JADE3: variants seen among roughly 807,000 people sequenced by gnomAD.
JADE3 encodes the protein jade family PHD finger 3.
JADE3 carries 2 observed loss-of-function variants against 50.1 expected under a neutral mutation model. That is an observed-to-expected ratio of 0.04 (90% CI 0.02 to 0.13). The LOEUF (loss-of-function observed/expected upper bound fraction) is 0.13, where lower values mean the gene tolerates loss of function less well. JADE3 is among the 10% of genes least tolerant of loss of function. The probability of loss-of-function intolerance (pLI) is 1.00; values close to 1 mark genes in which losing one functional copy is unlikely to be tolerated. For synonymous variants in JADE3, 218 were observed against 232.9 expected (o/e 0.94, Z 0.58); for missense variants, 475 against 634.4 (o/e 0.75, Z 2.70).
intron 1 of JADE3, among the ~76,000 whole-genome samples, chrX:46,981,143 T>C (rs1556352943): frequency 8.9e-6 from 1 of 112,130 alleles, no homozygotes; most frequent in African/African-American, 3.2e-5. Context: ...TTTAGCTCTG[T>C]GAGACCTGTG....
intron 1 of JADE3, among the ~76,000 whole-genome samples, chrX:46,969,719 C>G (rs782477066): frequency 9.0e-6 from 1 of 111,549 alleles, no homozygotes; most frequent in Non-Finnish European, 1.9e-5. Flanking sequence ...CACCCAGCTA[C>G]TCAGGAGGCT....
Position 47,059,022 on chromosome X carries a change from A to AT in JADE3, c.2419dup (p.Cys807LeufsTer4). On this transcript the variant is annotated frameshift_variant, in exon 11 of 11. Transcript: ENST00000614628. LOFTEE classifies it high-confidence loss of function. ...AATCCTCCCCATGACTCTAGACGGG[A>AT]TTGCCATGGTAAAAGCAAGACACAT... 8.3e-7 allele frequency: 1 copy of AT among 1,208,094 alleles called. No homozygotes were observed.
chrX:46,996,226 G>A (rs1275275838), intron 3 of JADE3, among the ~76,000 whole-genome samples: 1 of 111,689 alleles, frequency 9.0e-6, no homozygotes, highest in African/African-American at 3.3e-5. Context: ...TAGTAGAGAC[G>A]AGGTTTCACC....
At chrX:47,019,491 C>T (rs1556363838) in intron 4 of JADE3, among the ~76,000 whole-genome samples, 2 of 111,735 alleles carry the variant, frequency 1.8e-5, no homozygotes, top group Non-Finnish European at 3.8e-5. Context: ...CTCAAGTGAT[C>T]TTCCTGCCTC....
At chrX:47,032,196 C>T (rs1425626412) in intron 6 of JADE3, among the ~76,000 whole-genome samples, 1 of 111,678 alleles carries the variant, frequency 9.0e-6, no homozygotes, top group Non-Finnish European at 1.9e-5. Context: ...GGCATGAGAT[C>T]AGATAGTGAA....
intron 4 of JADE3, among the ~76,000 whole-genome samples, chrX:46,999,938 C>T (rs1490964262): frequency 1.8e-5 from 2 of 111,306 alleles, no homozygotes; most frequent in African/African-American, 6.5e-5. Context: ...TGAGAAATTG[C>T]AGATCTTATT....
chrX:46,985,852 A>C lies in JADE3; in HGVS notation c.126+60A>C, dbSNP rs1324132839. 3.8e-6 allele frequency: 3 copies of C among 781,552 alleles called. No homozygotes were observed. In the African/African-American group the frequency reaches 6.1e-5, roughly 16 times the overall value. 64.4% of individuals were successfully genotyped at this position (781,552 alleles called of 1,213,427 possible). A position where few individuals can be genotyped will look rare whatever the true frequency, so the allele number is the denominator to read the frequency against. ...ATAGTTTGGATGCTTGTCTTCCAAA[A>C]CCTCATGTTGAAATTATATCCCAAT... On this transcript the variant is annotated intron_variant, in intron 3 of 10. Coordinates refer to ENST00000614628, the MANE Select transcript of JADE3 (RefSeq NM_014735.5).
chrX:47,033,102 C>T (rs1238491174), intron 6 of JADE3, among the ~76,000 whole-genome samples: 2 of 112,012 alleles, frequency 1.8e-5, no homozygotes, highest in Non-Finnish European at 3.8e-5. Context: ...TTCTTCAACC[C>T]AAGCAAGCAA....
At chrX:46,936,858 T>A (rs1228460712) in intron 1 of JADE3, among the ~76,000 whole-genome samples, 1 of 111,606 alleles carries the variant, frequency 9.0e-6, no homozygotes, top group Admixed American at 9.6e-5. Flanking sequence ...GCTTTTCAAT[T>A]GTGCTAGAGG....
At chrX:46,952,819 G>GGC (rs1894092264) in intron 1 of JADE3, among the ~76,000 whole-genome samples, 1 of 111,612 alleles carries the variant, frequency 9.0e-6, no homozygotes, top group Non-Finnish European at 1.9e-5. Context: ...CCAACATGGT[G>GGC]AAACCCCATC....
At chrX:46,919,443 A>G (rs1260467741) in intron 1 of JADE3, among the ~76,000 whole-genome samples, 1 of 112,207 alleles carries the variant, frequency 8.9e-6, no homozygotes, top group Admixed American at 9.5e-5. Flanking sequence ...TCCGTATTTG[A>G]GCATTGGTAA....
At chrX:46,961,080 G>A (rs1927248198) in intron 1 of JADE3, among the ~76,000 whole-genome samples, 1 of 111,872 alleles carries the variant, frequency 8.9e-6, no homozygotes, top group South Asian at 3.7e-4. Context: ...AAATTTGTGA[G>A]GGGAGTTTGC....
chrX:46,989,181 C>T (rs1927927365), intron 3 of JADE3, among the ~76,000 whole-genome samples: 1 of 112,234 alleles, frequency 8.9e-6, no homozygotes, highest in African/African-American at 3.2e-5. Flanking sequence ...TGCCCTATTT[C>T]TGATAGCAGA....
Position 47,058,859 on chromosome X carries a change from C to A in JADE3, c.2254C>A (p.Leu752Ile). 1 of 1,210,291 alleles carries A rather than the reference C, an allele frequency of 8.3e-7. No homozygotes were observed. Among genetic ancestry groups the A allele is most frequent in the Non-Finnish European group, 1.1e-6 (1 of 894,423 alleles). The change falls in exon 11 of 11, where the codon CTC becomes ATC. Residue 752 changes from leucine (L) to isoleucine (I), a missense_variant. Physicochemically the swap from Leu to Ile is conservative, Grantham distance 5. Around this residue, in one of 6 missense-constraint regions of JADE3, gnomAD observed 243 missense variants for 238.2 expected, o/e 1.02. Coordinates refer to ENST00000614628, the MANE Select transcript of JADE3 (RefSeq NM_014735.5). ...PKEQFWGRQVLRRSAGRAPYQ... is the reference protein window; with the variant it reads ...PKEQFWGRQVIRRSAGRAPYQ... ...GGAGCAGTTCTGGGGTAGACAGGTT[C>A]TCAGGCGGTCTGCAGGGAGAGCTCC...
At chrX:46,924,904 T>C (rs1371448703) in intron 1 of JADE3, among the ~76,000 whole-genome samples, 1 of 112,005 alleles carries the variant, frequency 8.9e-6, no homozygotes, top group Non-Finnish European at 1.9e-5. Context: ...ATTTTTGTTA[T>C]CCACATCGCC....
chrX:46,957,260 T>TAG (rs1569535285), intron 1 of JADE3, among the ~76,000 whole-genome samples: 5 of 61,727 alleles, frequency 8.1e-5, no homozygotes, highest in African/African-American at 2.4e-4. Context: ...TAGATAGATA[T>TAG]AAACGATATA....
intron 1 of JADE3, among the ~76,000 whole-genome samples, chrX:46,940,936 A>G (rs1321448159): frequency 8.9e-6 from 1 of 112,116 alleles, no homozygotes; most frequent in East Asian, 2.8e-4. Context: ...ATTTAAAAAT[A>G]TAATTTCAGC....
rs1569539112 is a variant in JADE3 at position 47,059,791 on chromosome X, A to G, written c.*714A>G. 1 of 112,270 alleles carries G rather than the reference A, an allele frequency of 8.9e-6. No individual in the cohort carries two copies. The highest frequency in any genetic ancestry group is 3.2e-5 in the African/African-American group (1 of 30,834). 9.3% of individuals were successfully genotyped at this position (112,270 alleles called of 1,213,427 possible). ...CAAAAGTACAAAAGTACTACTTCCA[A>G]GGAAAATGCTCTGATTCTCTGTTTA... On this transcript the variant is annotated 3_prime_UTR_variant, in exon 11 of 11. Coordinates refer to ENST00000614628, the MANE Select transcript of JADE3 (RefSeq NM_014735.5).
chrX:46,991,619 A>T (rs1369337276), intron 3 of JADE3, among the ~76,000 whole-genome samples: 1 of 111,488 alleles, frequency 9.0e-6, no homozygotes, highest in Non-Finnish European at 1.9e-5. Flanking sequence ...TAACCATTTA[A>T]CTACTTAAAG....
Sources: allele counts gnomAD v4.1 joint callset (sites outside exome capture counted in the v4.1 genomes callset), GRCh38; gene constraint gnomAD v4.1.1; regional missense constraint gnomAD v4.1.1; transcripts MANE v1.5; gene names NCBI Gene and HGNC (gene_info 2026-07-23, HGNC 2026-07-21).